Variants in PCDHA13 observed in about 807,000 individuals in gnomAD.
The protein encoded by PCDHA13 is protocadherin alpha-13.
PCDHA13 carries 54 observed loss-of-function variants against 64.8 expected under a neutral mutation model. The observed-to-expected ratio is 0.83, with a 90% CI of 0.67 to 1.04. The LOEUF (loss-of-function observed/expected upper bound fraction) is 1.04, where lower values mean the gene tolerates loss of function less well. Among genes scored for constraint, PCDHA13 ranks in the 50% least tolerant of loss-of-function variants. The pLI is 0.00. For synonymous variants in PCDHA13, 587 were observed against 564.4 expected (o/e 1.04, Z -0.57); for missense variants, 1,248 against 1,254.3 (o/e 0.99, Z 0.08).
chr5:140,932,125 A>G (rs1272736604), intron 1 of PCDHA13, among the ~76,000 whole-genome samples: 1 of 151,932 alleles, frequency 6.6e-6, no homozygotes, highest in African/African-American at 2.4e-5. Context: ...ATAATATTTA[A>G]GATATAAACA....
At chr5:140,967,306 C>G (rs1554229415) in intron 1 of PCDHA13, 2 of 1,612,350 alleles carry the variant, frequency 1.2e-6, no homozygotes, top group African/African-American at 2.7e-5. Flanking sequence ...TGGGCGCCAA[C>G]TCAGTACAGA....
chr5:140,899,664 G>T (rs1263525075), intron 1 of PCDHA13, among the ~76,000 whole-genome samples: 17 of 152,124 alleles, frequency 1.1e-4, no homozygotes, highest in Admixed American at 1.0e-3. Flanking sequence ...GTCTCTGCCC[G>T]GCTTTGGTAT....
intron 1 of PCDHA13, among the ~76,000 whole-genome samples, chr5:140,894,895 A>G (rs557164845): frequency 6.6e-6 from 1 of 152,316 alleles, no homozygotes; most frequent in South Asian, 2.1e-4. Context: ...AGACCAGGAT[A>G]ATTTTCCTAT....
intron 1 of PCDHA13, among the ~76,000 whole-genome samples, chr5:140,896,683 C>T (rs2153454060): frequency 6.6e-6 from 1 of 152,068 alleles, no homozygotes; most frequent in South Asian, 2.1e-4. Context: ...GGCCCTTTGC[C>T]CATTTTTTGA....
intron 3 of PCDHA13, among the ~76,000 whole-genome samples, chr5:141,006,057 A>G (rs2098253248): frequency 6.6e-6 from 1 of 152,022 alleles, no homozygotes. Context: ...AGAGTGGAGA[A>G]GAAATAAAAA....
At chr5:140,892,641 T>G (rs2063609688) in intron 1 of PCDHA13, among the ~76,000 whole-genome samples, 1 of 152,226 alleles carries the variant, frequency 6.6e-6, no homozygotes. Flanking sequence ...TTGTACATAT[T>G]TATAGGATAC....
intron 1 of PCDHA13, among the ~76,000 whole-genome samples, chr5:140,938,910 C>T (rs1467187970): frequency 6.6e-6 from 1 of 152,012 alleles, no homozygotes; most frequent in African/African-American, 2.4e-5. Context: ...CACACACACA[C>T]GCACAAGAAA....
chr5:140,958,911 G>C (rs1458386566), intron 1 of PCDHA13, among the ~76,000 whole-genome samples: 3 of 151,406 alleles, frequency 2.0e-5, no homozygotes, highest in African/African-American at 7.3e-5. Flanking sequence ...AGAAAAGTCT[G>C]CCTGGGTGTG....
intron 3 of PCDHA13, among the ~76,000 whole-genome samples, chr5:140,992,926 A>C (rs2097533873): frequency 6.6e-6 from 1 of 152,226 alleles, no homozygotes; most frequent in African/African-American, 2.4e-5. Context: ...CCATACTTAC[A>C]GCAGCTCTGA....
chr5:140,958,454 T>G (rs2095424871), intron 1 of PCDHA13, among the ~76,000 whole-genome samples: 1 of 152,168 alleles, frequency 6.6e-6, no homozygotes, highest in African/African-American at 2.4e-5. Flanking sequence ...CCTTTTATTC[T>G]TCAACTTCTG....
chr5:140,966,998 C>G, intron 1 of PCDHA13: 1 of 1,604,774 alleles, frequency 6.2e-7, no homozygotes. Context: ...GGGTTGCTTG[C>G]GCATCAACCA....
intron 3 of PCDHA13, among the ~76,000 whole-genome samples, chr5:141,007,395 C>CAAAAAAAA (rs35800918): frequency 4.0e-3 from 379 of 94,450 alleles, no homozygotes; most frequent in Non-Finnish European, 5.7e-3. Context: ...TACTAAAATA[C>CAAAAAAAA]AAAAAAAAAA....
intron 1 of PCDHA13, chr5:140,928,243 G>A: frequency 6.2e-7 from 1 of 1,614,202 alleles, no homozygotes; most frequent in South Asian, 1.1e-5. Flanking sequence ...ACCCCAGCAG[G>A]AACTTTTCGT....
At chr5:140,912,441 G>A (rs1460671133) in intron 1 of PCDHA13, among the ~76,000 whole-genome samples, 2 of 151,478 alleles carry the variant, frequency 1.3e-5, no homozygotes, top group Non-Finnish European at 2.9e-5. Flanking sequence ...GCTGATTTGT[G>A]TGCATTGATT....
chr5:140,898,506 G>A (rs1185053384), intron 1 of PCDHA13, among the ~76,000 whole-genome samples: 2 of 152,132 alleles, frequency 1.3e-5, no homozygotes, highest in Admixed American at 1.3e-4. Context: ...TTGTAGATAT[G>A]CGGCGTTATT....
At chr5:140,984,987 G>C (rs1034950978) in intron 3 of PCDHA13, among the ~76,000 whole-genome samples, 7 of 152,028 alleles carry the variant, frequency 4.6e-5, no homozygotes, top group Admixed American at 2.0e-4. Flanking sequence ...CCCCAGGCTG[G>C]AGTCCAGTGG....
chr5:140,936,674 T>C (rs1410690822), intron 1 of PCDHA13, among the ~76,000 whole-genome samples: 6 of 152,228 alleles, frequency 3.9e-5, no homozygotes, highest in African/African-American at 1.4e-4. Context: ...GGACTGTCTA[T>C]TCTGTTTCAT....
In PCDHA13 at chr5:140,999,778, T is replaced by G. The variant is rs1252583642; in HGVS notation, c.2543-9849T>G. On this transcript the variant is annotated intron_variant, in intron 3 of 3. Coordinates refer to ENST00000289272, the MANE Select transcript of PCDHA13 (RefSeq NM_018904.3). ...ACATGATGTCTTTATACTCTTAACC[T>G]AGAAATGGCAGAGTTATTTTGGGCA... 3.0e-4 allele frequency among the ~76,000 whole-genome samples: 46 copies of G among 152,162 alleles called. 1 individual carries two copies.
chr5:140,945,887 A>G (rs1291923718), intron 1 of PCDHA13, among the ~76,000 whole-genome samples: 2 of 152,132 alleles, frequency 1.3e-5, no homozygotes, highest in Admixed American at 1.3e-4. Flanking sequence ...AACAAAGAAA[A>G]CACAGTGGGA....
Sources: allele counts gnomAD v4.1 joint callset (sites outside exome capture counted in the v4.1 genomes callset), GRCh38; gene constraint gnomAD v4.1.1; transcripts MANE v1.5; gene names NCBI Gene and HGNC (gene_info 2026-07-23, HGNC 2026-07-21).